ENPP1: variants seen among roughly 807,000 people sequenced by gnomAD.
ENPP1 encodes ectonucleotide pyrophosphatase/phosphodiesterase family member 1.
Under a neutral mutation model 122.8 loss-of-function variants are expected in ENPP1, and 73 were observed. That is an observed-to-expected ratio of 0.59 (90% CI 0.49 to 0.72). The LOEUF (loss-of-function observed/expected upper bound fraction) is 0.72. ENPP1 is among the 30% of genes least tolerant of loss of function. ENPP1 has a pLI of 0.00. For synonymous variants in ENPP1, 367 were observed against 391.6 expected (o/e 0.94, Z 0.74); for missense variants, 978 against 1,128.1 (o/e 0.87, Z 1.91).
intron 1 of ENPP1, among the ~76,000 whole-genome samples, chr6:131,810,231 G>A (rs1463556496): frequency 6.6e-6 from 1 of 152,120 alleles, no homozygotes; most frequent in Non-Finnish European, 1.5e-5. Context: ...GGTAGCATGC[G>A]TCTATGTCCC....
Position 131,890,661 on chromosome 6 carries a change from G to A in ENPP1, c.*150G>A, listed in dbSNP as rs571779819. ...ATGCGGACATCTCAGGGAAACTTGC[G>A]TACTCAGCACAGCAGTGGAGAGTGT... is the stretch of plus-strand genomic sequence containing the variant. On this transcript the variant is annotated 3_prime_UTR_variant, in exon 25 of 25. Coordinates refer to ENST00000647893, the MANE Select transcript of ENPP1 (RefSeq NM_006208.3). 7.7e-4 allele frequency: 538 copies of A among 702,836 alleles called. 1 individual carries two copies. Among genetic ancestry groups the A allele is most frequent in the Middle Eastern group, 3.4e-3 (9 of 2,644 alleles). The allele number at this position is 702,836 out of a possible 1,614,324, so 43.5% of individuals were successfully genotyped here.
intron 24 of ENPP1, among the ~76,000 whole-genome samples, chr6:131,886,940 T>A (rs1465035642): frequency 6.6e-6 from 1 of 150,384 alleles, no homozygotes; most frequent in African/African-American, 2.4e-5. Flanking sequence ...TTTTTTTTTT[T>A]TTTTTTAGAG....
chr6:131,816,234 C>A (rs73780760), intron 1 of ENPP1, among the ~76,000 whole-genome samples: 2 of 151,440 alleles, frequency 1.3e-5, no homozygotes, highest in African/African-American at 4.9e-5. Flanking sequence ...TTTATAACTT[C>A]TTTTTTTTTC....
chr6:131,875,083 A>G lies in ENPP1; in HGVS notation c.1636-693A>G, dbSNP rs1167407279. Reference sequence around the variant, plus strand: ...AAGGTGGGAGGGCAGGAGGAGTGTGAGGGATGAAATACCACTTATTGGGTA... The same window carrying G: ...AAGGTGGGAGGGCAGGAGGAGTGTGGGGGATGAAATACCACTTATTGGGTA... On this transcript the variant is annotated intron_variant, in intron 16 of 24. Coordinates refer to ENST00000647893, the MANE Select transcript of ENPP1 (RefSeq NM_006208.3). Among the ~76,000 whole-genome samples the G allele has an allele frequency of 3.9e-5, 6 of 152,178 alleles. No homozygotes were observed. In the East Asian group the frequency reaches 9.6e-4, roughly 24 times the overall value.
At chr6:131,867,938 T>C (rs1303111577) in intron 11 of ENPP1, 80 bp from the exon 12 acceptor site, 5 of 939,854 alleles carry the variant, frequency 5.3e-6, no homozygotes, top group African/African-American at 3.3e-5. Context: ...TTTTTTTTTT[T>C]TTTTAACAGA....
intron 1 of ENPP1, chr6:131,827,074 G>C: frequency 1.6e-6 from 1 of 629,584 alleles, no homozygotes; most frequent in Non-Finnish European, 3.0e-6. Flanking sequence ...TCCAGGGTCT[G>C]CTCCAGGCTT....
rs1303812726 is a variant in ENPP1, at chr6:131,869,359, C to T, written c.1275C>T (p.Gly425=). Residue 425 remains glycine, a splice_region_variant and synonymous_variant, in exon 13 of 25, where the codon GGC becomes GGT. Transcript: ENST00000647893. ...TTTGGGATTTTTTTTTTCTCCTAGG[C>T]ATGGAACAAGGCAGTTGTAAGAAAT... ...CLNLILISDH[G]MEQGSCKKYI... The T allele has an allele frequency of 6.2e-7, 1 of 1,612,554 alleles. No individual in the cohort carries two copies. Among genetic ancestry groups the T allele is most frequent in the African/African-American group, 1.3e-5 (1 of 74,662 alleles).
chr6:131,826,860 T>C, intron 1 of ENPP1: 1 of 370,662 alleles, frequency 2.7e-6, no homozygotes, highest in Non-Finnish European at 5.1e-6. Flanking sequence ...GCAGAAAAGT[T>C]TCTCACATAG....
chr6:131,846,774 A>G (rs1275991552), intron 1 of ENPP1, among the ~76,000 whole-genome samples: 2 of 152,182 alleles, frequency 1.3e-5, no homozygotes, highest in African/African-American at 4.8e-5. Context: ...CTGACATTCC[A>G]GGGAGCTTTC....
At chr6:131,873,517 A>G (rs1413901607) in intron 15 of ENPP1, among the ~76,000 whole-genome samples, 1 of 152,180 alleles carries the variant, frequency 6.6e-6, no homozygotes, top group East Asian at 1.9e-4. Flanking sequence ...AGCCTAGCCA[A>G]CAGTTGGTAA....
At chr6:131,873,984 T>C (rs987907986) in intron 15 of ENPP1, among the ~76,000 whole-genome samples, 7 of 152,192 alleles carry the variant, frequency 4.6e-5, no homozygotes, top group African/African-American at 1.7e-4. Flanking sequence ...TAAATCTATC[T>C]AAACTCACAA....
intron 5 of ENPP1, 25 bp from the exon 6 acceptor site, chr6:131,854,900 AT>A (rs760744593): frequency 1.3e-4 from 195 of 1,500,068 alleles, no homozygotes; most frequent in Non-Finnish European, 1.6e-4. Context: ...TTCTTTAAAC[AT>A]TTTTTTTTCT....
chr6:131,854,985 A>G lies in ENPP1; in HGVS notation c.677A>G (p.His226Arg), dbSNP rs1256376164. The G allele has an allele frequency of 1.2e-6, 2 of 1,613,540 alleles. No individual in the cohort carries two copies. Among genetic ancestry groups the G allele is most frequent in the Non-Finnish European group, 1.7e-6 (2 of 1,179,682 alleles). ...SLDGFRAEYL[H>R]TWGGLLPVIS... is the part of the protein sequence containing the mutation. ...GATGGATTCAGGGCAGAATATTTAC[A>G]CACTTGGGGTGGACTTCTTCCTGTT... Residue 226 changes from histidine to arginine, a missense_variant, in exon 6 of 25, where the codon CAC becomes CGC. His to Arg is a conservative substitution (Grantham distance 29, BLOSUM62 0). This residue lies in a region of ENPP1 where 330 missense variants were observed against 328.5 expected (regional missense o/e 1.00). Coordinates refer to ENST00000647893, the MANE Select transcript of ENPP1 (RefSeq NM_006208.3).
In ENPP1 at chr6:131,891,341, G is replaced by T. The variant is rs1221921141; in HGVS notation, c.*830G>T. On this transcript the variant is annotated 3_prime_UTR_variant, in exon 25 of 25. Transcript: ENST00000647893. ...AACTTCAGAGCACCAGTCAGTGCATGCAAGGTGCCATTTTTTATTGAGATG... is the reference window on the plus strand; with the variant it reads ...AACTTCAGAGCACCAGTCAGTGCATTCAAGGTGCCATTTTTTATTGAGATG... 1 of 152,186 alleles carries T rather than the reference G, an allele frequency of 6.6e-6. No homozygotes were observed. The highest frequency in any genetic ancestry group is 2.1e-4 in the South Asian group (1 of 4,834). 9.4% of individuals were successfully genotyped at this position (152,186 alleles called of 1,614,324 possible).
At chr6:131,846,442 CT>C (rs1223036435) in intron 1 of ENPP1, among the ~76,000 whole-genome samples, 1 of 152,142 alleles carries the variant, frequency 6.6e-6, no homozygotes, top group Non-Finnish European at 1.5e-5. Flanking sequence ...GTTCTGTCCT[CT>C]CTTTCCTTCC....
chr6:131,825,501 C>T (rs1040824447), intron 1 of ENPP1, among the ~76,000 whole-genome samples: 4 of 152,144 alleles, frequency 2.6e-5, no homozygotes, highest in Admixed American at 6.6e-5. Flanking sequence ...TATGCAATGG[C>T]GCACGGCTAG....
chr6:131,849,837 G>A (rs1025855764), intron 2 of ENPP1, among the ~76,000 whole-genome samples, 153 bp from the exon 3 acceptor site: 1 of 152,134 alleles, frequency 6.6e-6, no homozygotes. Flanking sequence ...GTGTGTATTT[G>A]TGAAAAGATT....
At chr6:131,837,482 C>T (rs1298793008) in intron 1 of ENPP1, among the ~76,000 whole-genome samples, 1 of 140,034 alleles carries the variant, frequency 7.1e-6, no homozygotes, top group African/African-American at 2.7e-5. Context: ...GCTCTCATCA[C>T]TGTACTCCAG....
At chr6:131,879,084 C>T (rs917691980) in intron 19 of ENPP1, among the ~76,000 whole-genome samples, 1 of 152,154 alleles carries the variant, frequency 6.6e-6, no homozygotes, top group African/African-American at 2.4e-5. Flanking sequence ...CTATAATACA[C>T]TCTCTCAGCC....
Sources: gnomAD v4.1 joint callset for allele counts (sites outside exome capture counted in the v4.1 genomes callset) on GRCh38, gnomAD v4.1.1 for gene constraint, gnomAD v4.1.1 regional missense constraint, MANE v1.5 for transcripts, NCBI Gene and HGNC (gene_info 2026-07-23, HGNC 2026-07-21) for gene names.